The following ACTR3C variants were observed in gnomAD, a reference collection of about 807,000 sequenced individuals.
The protein encoded by ACTR3C is actin-related protein 3C.
A neutral mutation model predicts 26.3 loss-of-function variants in ACTR3C; 18 were observed. The observed-to-expected ratio is 0.68, with a 90% confidence interval of 0.47 to 1.01. The LOEUF (loss-of-function observed/expected upper bound fraction) is 1.01. ACTR3C is among the 50% of genes least tolerant of loss of function. The pLI is 0.00. For synonymous variants in ACTR3C, 55 were observed against 94.5 expected (o/e 0.58, Z 2.42); for missense variants, 184 against 250.7 (o/e 0.73, Z 1.80).
At chr7:150,206,790 T>C in the ACTR3C span, among the ~76,000 whole-genome samples, 10 of 152,242 alleles carry the variant, frequency 6.6e-5, no homozygotes, top group Non-Finnish European at 1.5e-4. Flanking sequence ...ATTACACAGA[T>C]GTCCAACTGG....
chr7:150,211,481 A>T, the ACTR3C span, among the ~76,000 whole-genome samples: 2 of 151,572 alleles, frequency 1.3e-5, no homozygotes, highest in East Asian at 1.9e-4. Flanking sequence ...GGGTTTCGCC[A>T]TGTTGGCCAA....
chr7:149,886,401 G>A, the ACTR3C span, among the ~76,000 whole-genome samples: 8 of 152,110 alleles, frequency 5.3e-5, no homozygotes, highest in Admixed American at 1.3e-4. Context: ...TTTGGAGGAC[G>A]GGGGGAGGAA....
chr7:150,110,392 T>A, the ACTR3C span, among the ~76,000 whole-genome samples: 1 of 139,796 alleles, frequency 7.2e-6, no homozygotes, highest in Admixed American at 7.3e-5. Context: ...GGAACCCATG[T>A]GGGTGGCAGG....
At chr7:150,157,152 C>T in the ACTR3C span, among the ~76,000 whole-genome samples, 2,384 of 144,830 alleles carry the variant, frequency 0.016, 63 homozygotes, top group African/African-American at 0.058. Flanking sequence ...GGCATCAAGT[C>T]GGTGAACTTT....
chr7:150,063,202 T>C, the ACTR3C span, among the ~76,000 whole-genome samples: 2 of 148,344 alleles, frequency 1.3e-5, no homozygotes, highest in African/African-American at 2.5e-5. Context: ...GTAATTTGGA[T>C]TAAGTGTTCT....
At chr7:150,225,004 AGTGTGT>A in the ACTR3C span, among the ~76,000 whole-genome samples, 4,570 of 136,246 alleles carry the variant, frequency 0.034, 104 homozygotes, top group African/African-American at 0.048. Context: ...CACCCCCATT[AGTGTGT>A]GTGTGTGTGT....
At chr7:150,215,190 C>T in the ACTR3C span, among the ~76,000 whole-genome samples, 112 of 151,952 alleles carry the variant, frequency 7.4e-4, no homozygotes, top group African/African-American at 2.5e-3. Flanking sequence ...AAGTATAATA[C>T]CTAGAGCTGG....
intron 6 of ACTR3C, among the ~76,000 whole-genome samples, chr7:150,259,264 G>GAAGAAAGAAAAAGAAAGA (rs1201884980): frequency 1.8e-4 from 21 of 119,810 alleles, no homozygotes; most frequent in African/African-American, 9.2e-4. Flanking sequence ...GAAAGAGAAA[G>GAAGAAAGAAAAAGAAAGA]AAGAAAGAAA....
the ACTR3C span, among the ~76,000 whole-genome samples, chr7:150,132,559 G>C: frequency 0.022 from 3,162 of 143,964 alleles, no homozygotes; most frequent in African/African-American, 0.088. Context: ...ATGACATACC[G>C]TCTCATGCAC....
chr7:149,988,371 GA>G, the ACTR3C span, among the ~76,000 whole-genome samples: 1 of 152,208 alleles, frequency 6.6e-6, no homozygotes, highest in Non-Finnish European at 1.5e-5. Context: ...CAGTGTTAGG[GA>G]TGCAGGAATT....
chr7:150,180,216 A>G, the ACTR3C span, among the ~76,000 whole-genome samples: 1 of 149,896 alleles, frequency 6.7e-6, no homozygotes, highest in South Asian at 2.1e-4. Context: ...GAGGCGGGAG[A>G]ATGGCGTGAA....
At chr7:150,198,774 C>A in the ACTR3C span, among the ~76,000 whole-genome samples, 1 of 135,244 alleles carries the variant, frequency 7.4e-6, no homozygotes, top group African/African-American at 3.1e-5. Context: ...AGCCCCCCGC[C>A]TGGCCAGCCG....
chr7:150,089,119 T>A, the ACTR3C span, among the ~76,000 whole-genome samples: 1 of 152,168 alleles, frequency 6.6e-6, no homozygotes, highest in Admixed American at 6.5e-5. Flanking sequence ...TTTTTAACAT[T>A]TCTGAGTTTT....
the ACTR3C span, among the ~76,000 whole-genome samples, chr7:149,895,544 A>G: frequency 6.6e-6 from 1 of 152,226 alleles, no homozygotes; most frequent in Admixed American, 6.5e-5. Context: ...AAATAAAATC[A>G]GAGCCAGCTG....
At chr7:149,981,044 G>A in the ACTR3C span, among the ~76,000 whole-genome samples, 7 of 151,806 alleles carry the variant, frequency 4.6e-5, no homozygotes, top group East Asian at 1.4e-3. Context: ...TTGGATGGTT[G>A]TGTATTCACA....
chr7:149,950,917 GA>G, the ACTR3C span, among the ~76,000 whole-genome samples: 1 of 41,374 alleles, frequency 2.4e-5, no homozygotes, highest in Non-Finnish European at 4.3e-5. Flanking sequence ...TTCTCTGAAA[GA>G]AAAAATGTTC....
chr7:150,193,367 G>A, the ACTR3C span, among the ~76,000 whole-genome samples: 1 of 143,946 alleles, frequency 6.9e-6, no homozygotes, highest in Non-Finnish European at 1.5e-5. Flanking sequence ...AAAATTACCA[G>A]TTTTCGGTTT....
intron 1 of ACTR3C, among the ~76,000 whole-genome samples, chr7:150,315,851 G>T (rs964622295): frequency 6.7e-6 from 1 of 150,024 alleles, no homozygotes; most frequent in African/African-American, 2.5e-5. Context: ...TTCACTTAAC[G>T]ATGTATCCTG....
chr7:150,181,660 T>C, the ACTR3C span, among the ~76,000 whole-genome samples: 2 of 150,788 alleles, frequency 1.3e-5, no homozygotes, highest in Non-Finnish European at 2.9e-5. Context: ...AAAATTGATT[T>C]GTGGGGCACT....
Sources: allele counts gnomAD v4.1 joint callset (sites outside exome capture counted in the v4.1 genomes callset), GRCh38; gene constraint gnomAD v4.1.1; transcripts MANE v1.5; gene names NCBI Gene and HGNC (gene_info 2026-07-23, HGNC 2026-07-21).